Variants in PTPRH observed in about 807,000 individuals in gnomAD.
The protein encoded by PTPRH is protein tyrosine phosphatase receptor type H.
Under a neutral mutation model 130.2 loss-of-function variants are expected in PTPRH, and 113 were observed. That is an observed-to-expected ratio of 0.87 (90% CI 0.75 to 1.01). The LOEUF (loss-of-function observed/expected upper bound fraction) is 1.01. Among genes scored for constraint, PTPRH ranks in the 50% least tolerant of loss-of-function variants. The pLI, the probability that PTPRH is intolerant of heterozygous loss-of-function variation, is 0.00. For synonymous variants in PTPRH, 556 were observed against 577.9 expected, an observed-to-expected ratio of 0.96 and a Z score of 0.54; for missense variants, 1,430 against 1,425.0, an observed-to-expected ratio of 1.00 and a Z score of -0.06.
Position 55,198,647 on chromosome 19 carries a change from G to T in PTPRH, c.1686C>A (p.Ala562=). The change falls in exon 8 of 20, where the codon GCC becomes GCA. Residue 562 remains alanine, a synonymous_variant. Coordinates refer to ENST00000376350, the MANE Select transcript of PTPRH (RefSeq NM_002842.5). ...VRGYNSTLTA[A]TAPNEVTDLQ... Reference sequence around the variant, plus strand: ...TCAGAACCGACTGTGTCTCACCAGTGGCTGCAGTGAGGGTGCTGTTATAGC... The same window carrying T: ...TCAGAACCGACTGTGTCTCACCAGTTGCTGCAGTGAGGGTGCTGTTATAGC... The T allele has an allele frequency of 6.2e-7, 1 of 1,602,100 alleles. No individual in the cohort carries two copies. The highest frequency in any genetic ancestry group is 8.5e-7 in the Non-Finnish European group (1 of 1,172,666).
In PTPRH at chr19:55,206,718, C is replaced by T; in HGVS notation, c.323G>A (p.Ser108Asn). ...SVWVEKDGVN[S>N]SVGTVTTATA... ...GGCAGTAGTGACAGTCCCCACAGAG[C>T]TATTTACTCCGTCTTTCTCCACCCA... The change falls in exon 3 of 20, where the codon AGC becomes AAC. Residue 108 changes from serine to asparagine, a missense_variant. Physicochemically the swap from Ser to Asn is conservative, Grantham distance 46. Transcript: ENST00000376350. 6.2e-7 allele frequency: 1 copy of T among 1,611,738 alleles called. No individual in the cohort carries two copies. Among genetic ancestry groups the T allele is most frequent in the South Asian group, 1.1e-5 (1 of 90,982 alleles).
intron 12 of PTPRH, chr19:55,189,777 T>C (rs1423803443): frequency 2.2e-6 from 1 of 454,712 alleles, no homozygotes; most frequent in Non-Finnish European, 4.4e-6. Flanking sequence ...GGCCAGAAGT[T>C]CAAGACCAGC....
intron 16 of PTPRH, 107 bp from the exon 17 acceptor site, chr19:55,186,091 G>A (rs1257636423): frequency 1.9e-6 from 3 of 1,590,172 alleles, no homozygotes; most frequent in Admixed American, 1.7e-5. Flanking sequence ...GGGAGAGTGG[G>A]GAACAGGTCT....
At chr19:55,195,977 G>A (rs1226340188) in intron 10 of PTPRH, among the ~76,000 whole-genome samples, 1 of 152,014 alleles carries the variant, frequency 6.6e-6, no homozygotes, top group East Asian at 1.9e-4. Flanking sequence ...GAACTAGGGG[G>A]TGGTGGCTCA....
At chr19:55,197,667 A>T (rs931334414) in intron 8 of PTPRH, among the ~76,000 whole-genome samples, 1 of 152,096 alleles carries the variant, frequency 6.6e-6, no homozygotes, top group African/African-American at 2.4e-5. Flanking sequence ...AATGCACACC[A>T]ATTCCACCTA....
intron 14 of PTPRH, 100 bp from the exon 15 acceptor site, chr19:55,186,640 A>AGAGGCAGAG (rs1555875420): frequency 8.7e-7 from 1 of 1,155,872 alleles, no homozygotes; most frequent in African/African-American, 1.6e-5. Flanking sequence ...AGACAAGACC[A>AGAGGCAGAG]AGACCCATGG....
chr19:55,207,137 G>A, intron 2 of PTPRH, 29 bp downstream of exon 2: 1 of 1,612,256 alleles, frequency 6.2e-7, no homozygotes, highest in Non-Finnish European at 8.5e-7. Flanking sequence ...TCTTCGAGTG[G>A]GCAGTGAGTT....
chr19:55,186,755 G>A (rs921861566), intron 14 of PTPRH, among the ~76,000 whole-genome samples: 3 of 151,570 alleles, frequency 2.0e-5, no homozygotes, highest in Non-Finnish European at 4.4e-5. Flanking sequence ...ACTCTCAAAG[G>A]GACCCACAGC....
At chr19:55,182,246 A>G (rs2086199025) in intron 18 of PTPRH, 95 bp from the exon 19 acceptor site, 4 of 1,399,216 alleles carry the variant, frequency 2.9e-6, no homozygotes, top group Non-Finnish European at 3.9e-6. Flanking sequence ...AATGATGACA[A>G]TAACTATGCC....
Position 55,209,483 on chromosome 19 carries a change from C to T in PTPRH, c.-50G>A. The T allele has an allele frequency of 7.8e-7, 1 of 1,289,538 alleles. No homozygotes were observed. Among genetic ancestry groups the T allele is most frequent in the Non-Finnish European group, 1.1e-6 (1 of 912,968 alleles). 79.9% of individuals were successfully genotyped at this position (1,289,538 alleles called of 1,614,324 possible). A position where few individuals can be genotyped will look rare whatever the true frequency, so the allele number is the denominator to read the frequency against. ...AGGAGTCCCAGGCCTAGTCCTTCCA[C>T]CTGCTGGACTTTACACTCAAGAATT... On this transcript the variant is annotated 5_prime_UTR_variant, in exon 1 of 20. The change creates a new upstream start codon in the 5' untranslated region. Coordinates refer to ENST00000376350, the MANE Select transcript of PTPRH (RefSeq NM_002842.5). The surrounding 1 kb of genome is among the most constrained non-coding windows in gnomAD (Gnocchi z 4.1).
In PTPRH at chr19:55,205,609, G is replaced by A. The variant is rs1018077729; in HGVS notation, c.353-17C>T. 1 of 1,613,170 alleles carries A rather than the reference G, an allele frequency of 6.2e-7. No homozygotes were observed. The highest frequency in any genetic ancestry group is 8.5e-7 in the Non-Finnish European group (1 of 1,179,422). On this transcript the variant is annotated splice_polypyrimidine_tract_variant and intron_variant, in intron 3 of 19. Coordinates refer to ENST00000376350, the MANE Select transcript of PTPRH (RefSeq NM_002842.5). ...GGTTGGGAGCTGAAAACCAGCACAG[G>A]AGGGAAAATCAGTTGTAGTTTCTGG...
intron 10 of PTPRH, among the ~76,000 whole-genome samples, chr19:55,193,010 C>T (rs1366597322): frequency 6.6e-6 from 1 of 151,822 alleles, no homozygotes; most frequent in South Asian, 2.1e-4. Context: ...GGGTGGATCA[C>T]TTGAGCCCAG....
At chr19:55,191,792 A>G (rs1266003503) in intron 10 of PTPRH, 51 bp from the exon 11 acceptor site, 1 of 1,482,648 alleles carries the variant, frequency 6.7e-7, no homozygotes, top group Non-Finnish European at 9.4e-7. Context: ...TGAGCTGCTC[A>G]TCTGTCTCCA....
intron 5 of PTPRH, among the ~76,000 whole-genome samples, chr19:55,203,436 G>A (rs1405321675): frequency 1.4e-5 from 2 of 147,710 alleles, no homozygotes; most frequent in Non-Finnish European, 3.0e-5. Flanking sequence ...TCTTTTTTGA[G>A]ACAGGGTTTC....
Position 55,202,480 on chromosome 19 carries a change from G to A in PTPRH, c.887-158C>T, listed in dbSNP as rs575826655. 5.3e-5 allele frequency among the ~76,000 whole-genome samples: 8 copies of A among 152,264 alleles called. No individual in the cohort carries two copies. The South Asian group carries it at 1.2e-3, about 24-fold the overall frequency. Reference sequence around the variant, plus strand: ...GAGTTCCACGTGAGTGTTGAGCACCGTGAGGTGGCTTTTGTGAAATGAGAT... The same window carrying A: ...GAGTTCCACGTGAGTGTTGAGCACCATGAGGTGGCTTTTGTGAAATGAGAT... On this transcript the variant is annotated intron_variant, in intron 5 of 19. Coordinates refer to ENST00000376350, the MANE Select transcript of PTPRH (RefSeq NM_002842.5).
At chr19:55,196,462 G>A in intron 10 of PTPRH, 60 bp downstream of exon 10, 1 of 1,550,108 alleles carries the variant, frequency 6.5e-7, no homozygotes, top group Non-Finnish European at 8.7e-7. Flanking sequence ...TCACAATGGG[G>A]CCTGATGGGG....
At chr19:55,187,391 A>G (rs1184105165) in intron 14 of PTPRH, 122 bp downstream of exon 14, 9 of 528,182 alleles carry the variant, frequency 1.7e-5, no homozygotes, top group South Asian at 4.5e-5. Flanking sequence ...AGGAAGAAAA[A>G]AAAAAGGAGA....
At chr19:55,191,593 C>T (rs1357470286) in intron 11 of PTPRH, 45 bp from the exon 12 acceptor site, 3 of 1,612,438 alleles carry the variant, frequency 1.9e-6, no homozygotes, top group Admixed American at 1.7e-5. Flanking sequence ...GGTGAGGCTG[C>T]AACCAGCGGT....
intron 18 of PTPRH, among the ~76,000 whole-genome samples, chr19:55,183,789 C>T (rs1265428835): frequency 1.3e-5 from 2 of 152,216 alleles, no homozygotes; most frequent in East Asian, 3.8e-4. Flanking sequence ...GCAGCCCCCA[C>T]CTCTATCTAC....
Sources: gnomAD v4.1 joint callset for allele counts (sites outside exome capture counted in the v4.1 genomes callset) on GRCh38, gnomAD v4.1.1 for gene constraint, Gnocchi (gnomAD v3.1) non-coding constraint, MANE v1.5 for transcripts, NCBI Gene and HGNC (gene_info 2026-07-23, HGNC 2026-07-21) for gene names.